Variants in TG observed in about 807,000 individuals in gnomAD.
TG encodes thyroid hormones.
TG carries 270 observed loss-of-function variants against 324.7 expected under a neutral mutation model. The ratio of observed to expected loss-of-function variants is 0.83; its 90% CI spans 0.75 to 0.92. The LOEUF is 0.92. Among genes scored for constraint, TG ranks in the 40% least tolerant of loss-of-function variants. TG has a pLI of 0.00. For synonymous variants in TG, 1,401 were observed against 1,327.0 expected, an observed-to-expected ratio of 1.06 and a Z score of -1.21; for missense variants, 3,591 against 3,456.4, an observed-to-expected ratio of 1.04 and a Z score of -0.98.
chr8:132,898,463 A>C (rs1817444188), intron 13 of TG, among the ~76,000 whole-genome samples: 1 of 152,228 alleles, frequency 6.6e-6, no homozygotes, highest in South Asian at 2.1e-4. Flanking sequence ...AGGTGGAAGG[A>C]AACAGCTGAG....
chr8:133,127,368 C>T lies in TG; in HGVS notation c.7863-4444C>T, dbSNP rs531183206. Among the ~76,000 whole-genome samples the T allele has an allele frequency of 2.0e-5, 3 of 152,308 alleles. No homozygotes were observed. In the South Asian group the frequency reaches 6.2e-4, roughly 32 times the overall value. On this transcript the variant is annotated intron_variant, in intron 45 of 47. Transcript: ENST00000220616. Reference sequence around the variant, plus strand: ...GCTCGCTGGGGTGCAGGCTTAGCCTCCCTGCAGGTCCTCAGCAGCACCAGC... The same window carrying T: ...GCTCGCTGGGGTGCAGGCTTAGCCTTCCTGCAGGTCCTCAGCAGCACCAGC...
chr8:132,908,067 G>T (rs984571489), intron 17 of TG, 119 bp from the exon 18 acceptor site: 21 of 1,124,228 alleles, frequency 1.9e-5, no homozygotes, highest in Non-Finnish European at 2.6e-5. Flanking sequence ...ATGCAAAATG[G>T]CAGTGCTTAT....
chr8:132,880,999 G>A (rs1201446523), intron 5 of TG, among the ~76,000 whole-genome samples: 1 of 152,160 alleles, frequency 6.6e-6, no homozygotes, highest in Non-Finnish European at 1.5e-5. Context: ...TTAACTTATT[G>A]CTGGGAGATA....
chr8:132,908,273 A>G lies in TG; in HGVS notation c.3935A>G (p.Asp1312Gly), dbSNP rs2069556. 0.59 allele frequency: 950,615 copies of G among 1,611,998 alleles called. 291,469 individuals are homozygous for G. The highest frequency in any genetic ancestry group is 0.64 in the Admixed American group (38,456 of 59,762). The change falls in exon 18 of 48, where the codon GAT becomes GGT. Residue 1312 changes from aspartate (D) to glycine (G), a missense_variant. Asp to Gly is a moderately conservative substitution (Grantham distance 94). Coordinates refer to ENST00000220616, the MANE Select transcript of TG (RefSeq NM_003235.5). ...PGKMCSADYA[D>G]LLQTFQVFIL... The stretch of plus-strand genomic sequence containing the variant: ...AAGATGTGCAGTGCTGACTACGCGG[A>G]TTTGCTGCAGACTTTCCAGGTTTTC...
chr8:132,983,904 G>T (rs184425737), intron 35 of TG, among the ~76,000 whole-genome samples: 1 of 152,182 alleles, frequency 6.6e-6, no homozygotes. Context: ...AGGTGCCCAG[G>T]TGCCCGGTAA....
intron 45 of TG, among the ~76,000 whole-genome samples, chr8:133,129,581 G>A (rs1288464231): frequency 6.6e-5 from 10 of 151,932 alleles, no homozygotes; most frequent in Non-Finnish European, 1.5e-4. Flanking sequence ...CTGCAGCCTC[G>A]AACCTCCTGG....
rs763457366 is a variant in TG, at chr8:133,047,712, A to G, written c.7239+17689A>G. ...TGTGGGCTGCAGGGAGCTTAACTAC[A>G]TTGGATCAATTTGCATGGACGTAGG... is the stretch of plus-strand genomic sequence containing the variant. On this transcript the variant is annotated intron_variant, in intron 41 of 47. Coordinates refer to ENST00000220616, the MANE Select transcript of TG (RefSeq NM_003235.5). The G allele has an allele frequency of 3.3e-5, 24 of 731,040 alleles. 1 individual carries two copies. The highest frequency in any genetic ancestry group is 2.5e-4 in the South Asian group (17 of 68,680). The allele number at this position is 731,040 out of a possible 1,614,324, so 45.3% of individuals were successfully genotyped here.
chr8:133,051,058 A>C, intron 41 of TG: 1 of 620,978 alleles, frequency 1.6e-6, no homozygotes, highest in East Asian at 2.8e-5. Context: ...AATTTACAGC[A>C]AGGTCCTCTC....
chr8:132,977,656 A>G (rs943494628), intron 34 of TG, among the ~76,000 whole-genome samples: 2 of 152,146 alleles, frequency 1.3e-5, no homozygotes, highest in Non-Finnish European at 2.9e-5. Flanking sequence ...GGAAACTCCC[A>G]TTTTTAAAAC....
chr8:133,051,124 T>C (rs1840332487), intron 41 of TG, among the ~76,000 whole-genome samples: 2 of 152,162 alleles, frequency 1.3e-5, no homozygotes, highest in African/African-American at 4.8e-5. Flanking sequence ...GGTGACATGC[T>C]CCTATTCTTA....
chr8:132,986,704 C>G lies in TG; in HGVS notation c.6262+3292C>G, dbSNP rs576929197. ...AACTACTTGGTACCTAAAATTCCCT[C>G]CAGAAGACCAGATTATTTCCTGGGG... On this transcript the variant is annotated intron_variant, in intron 35 of 47. Transcript: ENST00000220616. Among the ~76,000 whole-genome samples, 44 of 152,226 alleles carry G rather than the reference C, an allele frequency of 2.9e-4. No homozygotes were observed. The South Asian group carries it at 8.9e-3, about 31-fold the overall frequency.
rs114543085 is a variant in TG at position 132,868,130 on chromosome 8, C to T, written c.83C>T (p.Ala28Val). The change falls in exon 2 of 48, where the codon GCC (alanine) becomes GTC (valine). Residue 28 changes from alanine to valine, a missense_variant. Coordinates refer to ENST00000220616, the MANE Select transcript of TG (RefSeq NM_003235.5). ...SANIFEYQVD[A>V]QPLRPCELQR... ...CTTTTCCTAGAGTACCAGGTGGATGCCCAGCCCCTTCGTCCCTGTGAGCTG... is the reference window on the plus strand; with the variant it reads ...CTTTTCCTAGAGTACCAGGTGGATGTCCAGCCCCTTCGTCCCTGTGAGCTG... 256 of 1,614,130 alleles carry T rather than the reference C, an allele frequency of 1.6e-4. No individual in the cohort carries two copies. In the Middle Eastern group the frequency reaches 1.6e-3, roughly 10 times the overall value.
At chr8:133,098,008 G>T (rs1338150133) in intron 43 of TG, among the ~76,000 whole-genome samples, 1 of 152,098 alleles carries the variant, frequency 6.6e-6, no homozygotes, top group Non-Finnish European at 1.5e-5. Flanking sequence ...CCCTCAGCTT[G>T]CATCTAGCTA....
chr8:132,941,683 A>C, intron 26 of TG, 141 bp downstream of exon 26: 1 of 867,986 alleles, frequency 1.2e-6, no homozygotes. Flanking sequence ...AGTCAAGTAC[A>C]CAATACACAC....
rs765484154 is a variant in TG, at chr8:132,948,897, G to A, written c.5355G>A (p.Glu1785=). 6.2e-7 allele frequency: 1 copy of A among 1,613,998 alleles called. No homozygotes were observed. The highest frequency in any genetic ancestry group is 8.5e-7 in the Non-Finnish European group (1 of 1,180,012). Residue 1785 remains glutamate (E), a synonymous_variant, in exon 27 of 48, where the codon GAG becomes GAA. Transcript: ENST00000220616. The stretch of plus-strand genomic sequence containing the variant: ...GTCCTGGTGTGACATATGACCAGGA[G>A]AGCCACCAGGTGATATTGCGTCTTG... The part of the protein sequence containing the change: ...ATCPGVTYDQ[E]SHQVILRLGD...
In TG at chr8:132,948,790, G is replaced by T; in HGVS notation, c.5248G>T (p.Gly1750Trp). Reference sequence around the variant, plus strand: ...GTGATTCTCAGGTGCCATCATCTGTGGGTTGCTGAGCTCACCCAGTGTCCT... The same window carrying T: ...GTGATTCTCAGGTGCCATCATCTGTTGGTTGCTGAGCTCACCCAGTGTCCT... ...TQVQGGAIIC[G>W]LLSSPSVLLC... The change falls in exon 27 of 48, where the codon GGG becomes TGG. Residue 1750 changes from glycine (G) to tryptophan (W), a missense_variant. Coordinates refer to ENST00000220616, the MANE Select transcript of TG (RefSeq NM_003235.5). 1.2e-6 allele frequency: 2 copies of T among 1,613,822 alleles called. No homozygotes were observed. Among genetic ancestry groups the T allele is most frequent in the East Asian group, 2.2e-5 (1 of 44,864 alleles).
At chr8:132,961,762 C>T (rs1400976704) in intron 28 of TG, among the ~76,000 whole-genome samples, 1 of 67,002 alleles carries the variant, frequency 1.5e-5, no homozygotes, top group Non-Finnish European at 2.8e-5. Context: ...GGGTGAGAGG[C>T]ATGAGAAAAA....
chr8:132,980,665 G>T (rs1246567199), intron 34 of TG, among the ~76,000 whole-genome samples: 1 of 152,142 alleles, frequency 6.6e-6, no homozygotes, highest in Non-Finnish European at 1.5e-5. Context: ...TATCTGAAGT[G>T]GGGGCAGTCT....
In TG at chr8:132,969,509, A is replaced by C; in HGVS notation, c.5915A>C (p.Lys1972Thr). The C allele has an allele frequency of 1.3e-5, 21 of 1,614,042 alleles. No homozygotes were observed. Among genetic ancestry groups the C allele is most frequent in the Non-Finnish European group, 1.4e-5 (16 of 1,179,950 alleles). ...TTTTACACTCGCCTGCCGTTCCAAA[A>C]ACTGATGGGGATATCCATTAGAAAT... ...KNFYTRLPFQ[K>T]LMGISIRNKV... Residue 1972 changes from lysine (K) to threonine (T), a missense_variant, in exon 32 of 48, where the codon AAA becomes ACA. Transcript: ENST00000220616.
Sources: allele counts gnomAD v4.1 joint callset (sites outside exome capture counted in the v4.1 genomes callset), GRCh38; gene constraint gnomAD v4.1.1; transcripts MANE v1.5; gene names NCBI Gene and HGNC (gene_info 2026-07-23, HGNC 2026-07-21).